Variants in SYT16 observed in about 807,000 individuals in gnomAD.
SYT16 encodes the protein synaptotagmin 16.
SYT16 carries 42 observed loss-of-function variants against 61.4 expected under a neutral mutation model. The observed-to-expected ratio is 0.68, with a 90% CI of 0.53 to 0.89. SYT16 has a LOEUF of 0.89. Among genes scored for constraint, SYT16 ranks in the 40% least tolerant of loss-of-function variants. The pLI, the probability that SYT16 is intolerant of heterozygous loss-of-function variation, is 0.00. For missense variants in SYT16, 804 were observed against 807.3 expected (o/e 1.00, Z 0.05); for synonymous variants, 314 against 302.3 (o/e 1.04, Z -0.40).
intron 3 of SYT16, among the ~76,000 whole-genome samples, chr14:62,051,266 G>A (rs896756853): frequency 2.0e-5 from 3 of 152,220 alleles, no homozygotes; most frequent in African/African-American, 2.4e-5. Flanking sequence ...AGGACCCTCC[G>A]AGCCATGTGC....
chr14:61,956,814 G>A (rs970112605), intron 1 of SYT16, among the ~76,000 whole-genome samples: 2 of 149,174 alleles, frequency 1.3e-5, no homozygotes, highest in Non-Finnish European at 3.0e-5. Flanking sequence ...ATAAGCTTTA[G>A]GATTTTTTTT....
chr14:62,010,740 G>T (rs2053414243), intron 3 of SYT16, among the ~76,000 whole-genome samples: 1 of 151,948 alleles, frequency 6.6e-6, no homozygotes, highest in African/African-American at 2.4e-5. Context: ...TTGCGGGGAG[G>T]TGGGGGTGAG....
At chr14:61,988,474 T>C (rs1443181237) in intron 2 of SYT16, among the ~76,000 whole-genome samples, 1 of 152,190 alleles carries the variant, frequency 6.6e-6, no homozygotes, top group Admixed American at 6.5e-5. Flanking sequence ...AAATACTCAA[T>C]GGGCTTATGA....
chr14:62,051,372 C>A (rs138629640), intron 3 of SYT16, among the ~76,000 whole-genome samples: 32 of 152,322 alleles, frequency 2.1e-4, no homozygotes, highest in Non-Finnish European at 3.7e-4. Flanking sequence ...CATCTGTCAC[C>A]CTTTTCTTCG....
chr14:61,996,304 T>C lies in SYT16; in HGVS notation c.285T>C (p.Asn95=), dbSNP rs1317452957. ...AAGTGGATCATTTCTCATGTTGTAA[T>C]AGTGATTTGCAGGACTCTGCCCAAA... The part of the protein sequence containing the change: ...FLEVDHFSCC[N]SDLQDSAQNS... Residue 95 remains asparagine, a synonymous_variant, in exon 3 of 8, where the codon AAT becomes AAC. Coordinates refer to ENST00000683842, the MANE Select transcript of SYT16 (RefSeq NM_001367656.1). 2.5e-6 allele frequency: 4 copies of C among 1,613,416 alleles called. No individual in the cohort carries two copies. The African/African-American group carries it at 4.0e-5, about 16-fold the overall frequency.
intron 2 of SYT16, among the ~76,000 whole-genome samples, chr14:61,987,559 AT>A (rs2052366158): frequency 6.6e-6 from 1 of 152,150 alleles, no homozygotes; most frequent in African/African-American, 2.4e-5. Context: ...GTTTAGAGTT[AT>A]TTAGATGAAA....
chr14:61,841,681 C>T (rs1419028895), intron 1 of SYT16, among the ~76,000 whole-genome samples: 2 of 152,172 alleles, frequency 1.3e-5, no homozygotes, highest in Non-Finnish European at 2.9e-5. Context: ...AGTCCCCAGA[C>T]TTCATATGAT....
Position 62,028,323 on chromosome 14 carries a change from G to A in SYT16, c.523+31781G>A, listed in dbSNP as rs553280310. On this transcript the variant is annotated intron_variant, in intron 3 of 7. Transcript: ENST00000683842. ...ATCGCTTCCTGAAAGCCTGCTTACT[G>A]TACGAGTTCTAAATGCTTTATGTAC... Among the ~76,000 whole-genome samples the A allele has an allele frequency of 1.1e-4, 16 of 152,296 alleles. No individual in the cohort carries two copies. In the South Asian group the frequency reaches 3.3e-3, roughly 32 times the overall value.
At chr14:61,960,522 G>A (rs1177043890) in intron 1 of SYT16, among the ~76,000 whole-genome samples, 2 of 152,048 alleles carry the variant, frequency 1.3e-5, no homozygotes, top group Non-Finnish European at 1.5e-5. Flanking sequence ...TGTGTATAGG[G>A]ATGCCAGTGA....
At chr14:62,083,959 G>C (rs1260355656) in intron 6 of SYT16, among the ~76,000 whole-genome samples, 4 of 152,194 alleles carry the variant, frequency 2.6e-5, no homozygotes, top group Admixed American at 2.0e-4. Flanking sequence ...TTTGCCTTTA[G>C]AGAGGAAATA....
chr14:61,819,658 C>G (rs2045553863), intron 1 of SYT16, among the ~76,000 whole-genome samples: 1 of 152,160 alleles, frequency 6.6e-6, no homozygotes, highest in East Asian at 1.9e-4. Context: ...CAAAAGAGCA[C>G]CATACAGATA....
At position 62,100,447 on chromosome 14, in the gene SYT16, T is replaced by G; in HGVS notation, c.1678T>G (p.Cys560Gly). 1.2e-6 allele frequency: 2 copies of G among 1,613,372 alleles called. No individual in the cohort carries two copies. The highest frequency in any genetic ancestry group is 1.1e-5 in the South Asian group (1 of 90,924). Residue 560 changes from cysteine to glycine, a missense_variant, in exon 8 of 8, where the codon TGC becomes GGC. Cys to Gly is a radical substitution (Grantham distance 159). Coordinates refer to ENST00000683842, the MANE Select transcript of SYT16 (RefSeq NM_001367656.1). ...LNSVGQEMSR[C>G]KTSIRRGQPN... ...TTCTGTGGGTCAAGAGATGTCCCGT[T>G]GCAAGACGTCCATTCGGCGTGGTCA...
At chr14:62,080,334 C>A (rs57917059) in intron 5 of SYT16, among the ~76,000 whole-genome samples, 19,610 of 152,210 alleles carry the variant, frequency 0.13, 1,516 homozygotes, top group African/African-American at 0.21. Context: ...TAAACCTTTT[C>A]TCCCACTTAG....
chr14:61,969,270 G>A (rs973720045), intron 1 of SYT16, among the ~76,000 whole-genome samples: 1 of 152,104 alleles, frequency 6.6e-6, no homozygotes, highest in African/African-American at 2.4e-5. Context: ...CTTTATACAA[G>A]TTAATTTCTG....
intron 1 of SYT16, among the ~76,000 whole-genome samples, chr14:61,932,337 C>G (rs1305539150): frequency 6.6e-6 from 1 of 152,174 alleles, no homozygotes; most frequent in Non-Finnish European, 1.5e-5. Flanking sequence ...TTTCACACTG[C>G]TATAAAGAAC....
At chr14:61,967,696 T>C (rs2051371429) in intron 1 of SYT16, among the ~76,000 whole-genome samples, 1 of 152,144 alleles carries the variant, frequency 6.6e-6, no homozygotes, top group Non-Finnish European at 1.5e-5. Context: ...CATTTCAAAA[T>C]CCTTACCCTA....
chr14:61,936,499 G>A (rs1182361764), intron 1 of SYT16, among the ~76,000 whole-genome samples: 3 of 152,078 alleles, frequency 2.0e-5, no homozygotes, highest in Non-Finnish European at 2.9e-5. Flanking sequence ...CAGTGGTAAC[G>A]TCACAGAAAT....
At chr14:62,033,365 T>A (rs1351266237) in intron 3 of SYT16, among the ~76,000 whole-genome samples, 5 of 152,062 alleles carry the variant, frequency 3.3e-5, no homozygotes, top group Non-Finnish European at 4.4e-5. Flanking sequence ...ATATCTTTCC[T>A]CCCCGGCCTG....
intron 3 of SYT16, among the ~76,000 whole-genome samples, chr14:62,062,084 A>C (rs1168435884): frequency 6.6e-6 from 1 of 152,196 alleles, no homozygotes; most frequent in Non-Finnish European, 1.5e-5. Context: ...TTGTAATGGA[A>C]GATTTTCTAT....
Sources: gnomAD v4.1 joint callset for allele counts (sites outside exome capture counted in the v4.1 genomes callset) on GRCh38, gnomAD v4.1.1 for gene constraint, MANE v1.5 for transcripts, NCBI Gene and HGNC (gene_info 2026-07-23, HGNC 2026-07-21) for gene names.